Variants in MYO1E observed in about 807,000 individuals in gnomAD.
MYO1E encodes the protein myosin IE, also known as unconventional myosin-Ie.
MYO1E carries 68 observed loss-of-function variants against 151.1 expected under a neutral mutation model. That is an observed-to-expected ratio of 0.45 (90% CI 0.37 to 0.55). The LOEUF (loss-of-function observed/expected upper bound fraction) is 0.55. Ranked by LOEUF, MYO1E falls within the 20% of genes least tolerant of loss-of-function variation. MYO1E has a pLI of 0.00. For synonymous variants in MYO1E, 601 were observed against 501.7 expected, an observed-to-expected ratio of 1.20 and a Z score of -2.64; for missense variants, 1,363 against 1,389.3, an observed-to-expected ratio of 0.98 and a Z score of 0.30.
intron 1 of MYO1E, among the ~76,000 whole-genome samples, chr15:59,295,055 A>C (rs1429362929): frequency 6.6e-6 from 1 of 152,138 alleles, no homozygotes; most frequent in Non-Finnish European, 1.5e-5. Flanking sequence ...AAGTGACCTG[A>C]GGATGGGGCA....
intron 14 of MYO1E, chr15:59,206,910 T>C: frequency 6.3e-7 from 1 of 1,589,050 alleles, no homozygotes; most frequent in Non-Finnish European, 8.6e-7. Flanking sequence ...CTTTTTTCCA[T>C]TCTCTCTCTC....
chr15:59,175,488 A>T (rs559247183), intron 19 of MYO1E, among the ~76,000 whole-genome samples: 2 of 152,248 alleles, frequency 1.3e-5, no homozygotes, highest in South Asian at 2.1e-4. Context: ...TCACAGATCC[A>T]TCTGTGCAGA....
chr15:59,239,388 G>A (rs575990838), intron 4 of MYO1E, among the ~76,000 whole-genome samples: 1 of 151,310 alleles, frequency 6.6e-6, no homozygotes, highest in African/African-American at 2.4e-5. Flanking sequence ...TTTTCCTTAA[G>A]TTTACACTGT....
At chr15:59,342,830 T>C (rs534809502) in intron 1 of MYO1E, among the ~76,000 whole-genome samples, 1 of 152,304 alleles carries the variant, frequency 6.6e-6, no homozygotes, top group South Asian at 2.1e-4. Context: ...TAACATCTTA[T>C]AACCCATTAT....
At chr15:59,366,995 CGCAAAAAAA>C (rs1327843124) in intron 1 of MYO1E, among the ~76,000 whole-genome samples, 11 of 107,316 alleles carry the variant, frequency 1.0e-4, no homozygotes, top group Admixed American at 1.8e-4. Context: ...GCTGCATTTT[CGCAAAAAAA>C]AAAAAAAAAA....
intron 1 of MYO1E, among the ~76,000 whole-genome samples, chr15:59,284,230 G>A (rs1484909779): frequency 1.3e-5 from 2 of 152,302 alleles, no homozygotes. Context: ...GTAGGTACAC[G>A]GCAGCACTGT....
chr15:59,249,002 G>A (rs1457514556), intron 4 of MYO1E, among the ~76,000 whole-genome samples: 2 of 152,180 alleles, frequency 1.3e-5, no homozygotes, highest in Admixed American at 1.3e-4. Flanking sequence ...TGCTTGGCAA[G>A]TCAGTCTACC....
chr15:59,255,405 T>C (rs768310729), intron 4 of MYO1E, among the ~76,000 whole-genome samples: 2 of 152,040 alleles, frequency 1.3e-5, no homozygotes, highest in Non-Finnish European at 2.9e-5. Context: ...ATTTTATTAT[T>C]TTTTTTCAAG....
intron 1 of MYO1E, among the ~76,000 whole-genome samples, chr15:59,276,636 C>T (rs1311278819): frequency 6.6e-6 from 1 of 152,164 alleles, no homozygotes; most frequent in African/African-American, 2.4e-5. Flanking sequence ...AAGTAGGGTA[C>T]GCCCCTATCC....
At chr15:59,145,545 C>G (rs182717006) in intron 26 of MYO1E, among the ~76,000 whole-genome samples, 11 of 152,274 alleles carry the variant, frequency 7.2e-5, no homozygotes, top group Admixed American at 1.3e-4. Flanking sequence ...TGCCAACAAG[C>G]CCGGCTAATT....
chr15:59,210,114 T>C (rs2140340065), intron 13 of MYO1E, among the ~76,000 whole-genome samples: 1 of 152,194 alleles, frequency 6.6e-6, no homozygotes, highest in East Asian at 1.9e-4. Context: ...GCGATCCACC[T>C]GCCTCAGCCT....
At chr15:59,335,262 T>C (rs1430046697) in intron 1 of MYO1E, among the ~76,000 whole-genome samples, 3 of 152,202 alleles carry the variant, frequency 2.0e-5, no homozygotes, top group Non-Finnish European at 2.9e-5. Context: ...ACTTGGTGGA[T>C]ATATGTACTA....
chr15:59,340,559 G>A (rs2080759131), intron 1 of MYO1E, among the ~76,000 whole-genome samples: 1 of 152,170 alleles, frequency 6.6e-6, no homozygotes, highest in African/African-American at 2.4e-5. Context: ...TCAAATAACA[G>A]TAGCATCAAA....
chr15:59,139,835 A>G lies in MYO1E; in HGVS notation c.3081-1468T>C, dbSNP rs540362122. Among the ~76,000 whole-genome samples the G allele has an allele frequency of 2.0e-5, 3 of 151,122 alleles. No homozygotes were observed. In the South Asian group the frequency reaches 6.3e-4, roughly 32 times the overall value. ...TGCAGACTTCCCTCATACCCTCATC[A>G]TTACTCCACAATCTTCCCTCCCACC... On this transcript the variant is annotated intron_variant, in intron 26 of 27. Coordinates refer to ENST00000288235, the MANE Select transcript of MYO1E (RefSeq NM_004998.4).
chr15:59,154,810 A>C (rs533093921), intron 25 of MYO1E, among the ~76,000 whole-genome samples: 1 of 152,270 alleles, frequency 6.6e-6, no homozygotes, highest in South Asian at 2.1e-4. Context: ...CATTTTCTCT[A>C]TATCCTTATT....
intron 1 of MYO1E, among the ~76,000 whole-genome samples, chr15:59,302,708 G>T (rs1388528174): frequency 1.3e-5 from 2 of 152,280 alleles, no homozygotes; most frequent in Non-Finnish European, 2.9e-5. Flanking sequence ...ACACCTTGGG[G>T]CTTGATCAAT....
At chr15:59,247,524 T>A (rs2080137486) in intron 4 of MYO1E, among the ~76,000 whole-genome samples, 1 of 151,846 alleles carries the variant, frequency 6.6e-6, no homozygotes, top group Non-Finnish European at 1.5e-5. Context: ...GCCAACAGAG[T>A]GGTAAGGATT....
At position 59,173,827 on chromosome 15, in the gene MYO1E, G is replaced by T. The variant is rs752276663; in HGVS notation, c.2253C>A (p.His751Gln). The T allele has an allele frequency of 1.2e-6, 2 of 1,613,896 alleles. No homozygotes were observed. Among genetic ancestry groups the T allele is most frequent in the Non-Finnish European group, 1.7e-6 (2 of 1,179,970 alleles). ...TGCCCACGAACTGCTGGAGTTCTGG[G>T]TGCTCTTCCATCCCAATATAATCCC... ...FIGDYIGMEE[H>Q]PELQQFVGKR... The change falls in exon 21 of 28, where the codon CAC (histidine) becomes CAA (glutamine). Residue 751 changes from histidine (H) to glutamine (Q), a missense_variant. Coordinates refer to ENST00000288235, the MANE Select transcript of MYO1E (RefSeq NM_004998.4).
chr15:59,148,303 T>G (rs1322845697), intron 26 of MYO1E, among the ~76,000 whole-genome samples: 1 of 152,188 alleles, frequency 6.6e-6, no homozygotes, highest in African/African-American at 2.4e-5. Context: ...CTCTTACAGA[T>G]GCAAATCCTG....
Sources: allele counts gnomAD v4.1 joint callset (sites outside exome capture counted in the v4.1 genomes callset), GRCh38; gene constraint gnomAD v4.1.1; transcripts MANE v1.5; gene names NCBI Gene and HGNC (gene_info 2026-07-23, HGNC 2026-07-21).